Variants in TAFA1 observed in about 807,000 individuals in gnomAD.
TAFA1 encodes the protein chemokine-like protein TAFA-1.
TAFA1 carries 4 observed loss-of-function variants against 18.5 expected under a neutral mutation model. The observed-to-expected ratio is 0.22, with a 90% CI of 0.11 to 0.49. The LOEUF (loss-of-function observed/expected upper bound fraction) is 0.49, where lower values mean the gene tolerates loss of function less well. Among genes scored for constraint, TAFA1 ranks in the 20% least tolerant of loss-of-function variants. The pLI is 0.98. For synonymous variants in TAFA1, 56 were observed against 55.2 expected, an observed-to-expected ratio of 1.01 and a Z score of -0.06; for missense variants, 147 against 169.0, an observed-to-expected ratio of 0.87 and a Z score of 0.72.
At chr3:68,282,646 C>T (rs1253473182) in intron 2 of TAFA1, among the ~76,000 whole-genome samples, 1 of 152,080 alleles carries the variant, frequency 6.6e-6, no homozygotes, top group East Asian at 1.9e-4. Flanking sequence ...TGGAGAACAT[C>T]GTCTGAGTAT....
intron 2 of TAFA1, among the ~76,000 whole-genome samples, chr3:68,184,435 C>T (rs760061718): frequency 1.4e-4 from 22 of 152,166 alleles, no homozygotes; most frequent in Admixed American, 2.0e-4. Context: ...ATATTTTCTA[C>T]ATTTATGATG....
At chr3:68,523,120 G>C (rs1225960842) in intron 3 of TAFA1, among the ~76,000 whole-genome samples, 1 of 152,148 alleles carries the variant, frequency 6.6e-6, no homozygotes, top group Non-Finnish European at 1.5e-5. Flanking sequence ...AAGTGTATGT[G>C]TGTCTATGGG....
At chr3:68,298,570 T>A (rs1255648510) in intron 2 of TAFA1, among the ~76,000 whole-genome samples, 1 of 152,164 alleles carries the variant, frequency 6.6e-6, no homozygotes, top group Non-Finnish European at 1.5e-5. Context: ...ATCCTCACAA[T>A]CCCCATGTGT....
rs370743833 is a variant in TAFA1 at position 68,427,300 on chromosome 3, A to G, written c.259+9880A>G. Among the ~76,000 whole-genome samples, 19 of 152,002 alleles carry G rather than the reference A, an allele frequency of 1.2e-4. No homozygotes were observed. In the East Asian group the frequency reaches 3.5e-3, roughly 28 times the overall value. On this transcript the variant is annotated intron_variant, in intron 3 of 4. Transcript: ENST00000478136. ...GTGGGAAAAATGTTGTTCTAAATCTAAGGAGTCAGCTCCTCATCTCTTTAG... is the reference window on the plus strand; with the variant it reads ...GTGGGAAAAATGTTGTTCTAAATCTGAGGAGTCAGCTCCTCATCTCTTTAG...
intron 2 of TAFA1, among the ~76,000 whole-genome samples, chr3:68,283,878 C>T (rs2067947933): frequency 6.6e-6 from 1 of 152,158 alleles, no homozygotes; most frequent in Non-Finnish European, 1.5e-5. Context: ...TTAGTTGAAT[C>T]CTCCTGGATA....
intron 2 of TAFA1, among the ~76,000 whole-genome samples, chr3:68,025,206 C>G (rs1704788792): frequency 6.6e-6 from 1 of 152,132 alleles, no homozygotes. Flanking sequence ...ACATTCCATT[C>G]TTCTCAGATT....
chr3:68,128,989 T>C (rs1318251032), intron 2 of TAFA1, among the ~76,000 whole-genome samples: 1 of 152,192 alleles, frequency 6.6e-6, no homozygotes, highest in Non-Finnish European at 1.5e-5. Flanking sequence ...AATCCCAACT[T>C]CTACAAATGA....
intron 4 of TAFA1, among the ~76,000 whole-genome samples, chr3:68,539,690 G>T (rs1243372173): frequency 6.3e-5 from 6 of 95,302 alleles, no homozygotes; most frequent in African/African-American, 2.0e-4. Flanking sequence ...GGGGGGCATG[G>T]GGTGGGTGGG....
chr3:68,243,202 T>C (rs2067023811), intron 2 of TAFA1, among the ~76,000 whole-genome samples: 1 of 152,188 alleles, frequency 6.6e-6, no homozygotes, highest in African/African-American at 2.4e-5. Context: ...CTGTCTCATG[T>C]ACTCTTTGCA....
At chr3:68,300,221 C>T (rs992165620) in intron 2 of TAFA1, among the ~76,000 whole-genome samples, 2 of 152,102 alleles carry the variant, frequency 1.3e-5, no homozygotes, top group African/African-American at 2.4e-5. Flanking sequence ...ACAGAGCTGC[C>T]TGAGGCTGTA....
At chr3:68,168,379 T>C (rs1419956607) in intron 2 of TAFA1, among the ~76,000 whole-genome samples, 1 of 152,236 alleles carries the variant, frequency 6.6e-6, no homozygotes. Context: ...TGTCAGAATG[T>C]GTATTTAGTA....
chr3:68,349,435 G>A (rs1370504059), intron 2 of TAFA1, among the ~76,000 whole-genome samples: 4 of 152,004 alleles, frequency 2.6e-5, no homozygotes, highest in African/African-American at 9.7e-5. Flanking sequence ...AATAAAGGAC[G>A]ATAAAGTCCT....
intron 2 of TAFA1, among the ~76,000 whole-genome samples, chr3:68,173,352 G>A (rs995410017): frequency 6.8e-6 from 1 of 147,524 alleles, no homozygotes; most frequent in Non-Finnish European, 1.5e-5. Flanking sequence ...CATATTTAAT[G>A]GATGAATTAC....
intron 2 of TAFA1, among the ~76,000 whole-genome samples, chr3:68,195,328 C>T (rs1451272110): frequency 6.8e-6 from 1 of 147,808 alleles, no homozygotes; most frequent in African/African-American, 2.5e-5. Context: ...CTACCCCTAC[C>T]CCTGGTAGAC....
intron 3 of TAFA1, among the ~76,000 whole-genome samples, chr3:68,486,934 G>A (rs1377242671): frequency 2.0e-5 from 3 of 152,172 alleles, no homozygotes; most frequent in African/African-American, 7.2e-5. Flanking sequence ...CATTTAAAAT[G>A]TGAGTTTATT....
intron 2 of TAFA1, among the ~76,000 whole-genome samples, chr3:68,055,760 C>T (rs1208996833): frequency 6.6e-6 from 1 of 152,098 alleles, no homozygotes; most frequent in African/African-American, 2.4e-5. Context: ...ATGTCCCTTT[C>T]CCTGGACATA....
At chr3:68,429,869 C>T (rs760531073) in intron 3 of TAFA1, among the ~76,000 whole-genome samples, 2 of 151,898 alleles carry the variant, frequency 1.3e-5, no homozygotes, top group Non-Finnish European at 2.9e-5. Context: ...CTTGGAACAG[C>T]CTGTATAACA....
chr3:68,088,242 C>T (rs2064993618), intron 2 of TAFA1, among the ~76,000 whole-genome samples: 1 of 152,148 alleles, frequency 6.6e-6, no homozygotes. Flanking sequence ...AATAATATAG[C>T]AATCATACTG....
intron 2 of TAFA1, among the ~76,000 whole-genome samples, chr3:68,132,448 A>G (rs1026726373): frequency 6.6e-5 from 10 of 152,150 alleles, no homozygotes; most frequent in African/African-American, 1.9e-4. Flanking sequence ...TTGAGGAATC[A>G]CCACACTGTC....
Sources: gnomAD v4.1 joint callset for allele counts (sites outside exome capture counted in the v4.1 genomes callset) on GRCh38, gnomAD v4.1.1 for gene constraint, MANE v1.5 for transcripts, NCBI Gene and HGNC (gene_info 2026-07-23, HGNC 2026-07-21) for gene names.